CTXND1: variants seen among roughly 807,000 people sequenced by gnomAD.
CTXND1 encodes the protein cortexin domain containing 1.
At chr15:80,251,786 A>G (rs949579056) in intron 1 of CTXND1, among the ~76,000 whole-genome samples, 9 of 151,620 alleles carry the variant, frequency 5.9e-5, no homozygotes, top group Admixed American at 5.9e-4. Flanking sequence ...CTCCCCGCCG[A>G]CCGAGGCGCG....
intron 1 of CTXND1, among the ~76,000 whole-genome samples, chr15:80,236,317 C>T (rs925676767): frequency 5.3e-5 from 8 of 152,018 alleles, no homozygotes; most frequent in African/African-American, 1.7e-4. Context: ...GGGATTTCAG[C>T]GAATGTACAG....
At chr15:80,227,319 A>G (rs1194705257) in intron 1 of CTXND1, among the ~76,000 whole-genome samples, 2 of 152,222 alleles carry the variant, frequency 1.3e-5, no homozygotes, top group Admixed American at 6.5e-5. Flanking sequence ...CTAATATCAC[A>G]GTCTTCCACA....
Position 80,195,562 on chromosome 15 carries a change from AG to A in CTXND1, c.*6207del, listed in dbSNP as rs2041416104. 1 of 152,238 alleles carries A rather than the reference AG, an allele frequency of 6.6e-6. No homozygotes were observed. The highest frequency in any genetic ancestry group is 2.4e-5 in the African/African-American group (1 of 41,458). The allele number at this position is 152,238 out of a possible 1,614,324, so 9.4% of individuals were successfully genotyped here. ...AAGATCAAGGAACCAGCATCTGGTG[AG>A]GACCTTCTTGTTGCATCATAAACAT... On this transcript the variant is annotated 3_prime_UTR_variant, in exon 3 of 3. Transcript: ENST00000560778.
intron 1 of CTXND1, among the ~76,000 whole-genome samples, chr15:80,251,237 G>T (rs920181255): frequency 6.6e-6 from 1 of 152,176 alleles, no homozygotes; most frequent in Non-Finnish European, 1.5e-5. Flanking sequence ...AACTTTTGCT[G>T]CGGGCACGGA....
intron 1 of CTXND1, among the ~76,000 whole-genome samples, chr15:80,245,659 C>T (rs1298696697): frequency 1.3e-5 from 2 of 152,192 alleles, no homozygotes; most frequent in Non-Finnish European, 2.9e-5. Flanking sequence ...GACTCTACCT[C>T]TTTGTGGATT....
At chr15:80,206,997 G>A (rs1893153525) in intron 1 of CTXND1, among the ~76,000 whole-genome samples, 1 of 152,156 alleles carries the variant, frequency 6.6e-6, no homozygotes, top group Admixed American at 6.5e-5. Flanking sequence ...CCAAGGTCTT[G>A]TCTCCCTTGA....
chr15:80,215,563 G>T (rs2142127165), intron 1 of CTXND1, among the ~76,000 whole-genome samples: 1 of 152,234 alleles, frequency 6.6e-6, no homozygotes, highest in East Asian at 1.9e-4. Context: ...GTCCTTCAAG[G>T]TGTGGGAAGG....
chr15:80,210,963 C>T (rs755004637), intron 1 of CTXND1, among the ~76,000 whole-genome samples: 1 of 152,204 alleles, frequency 6.6e-6, no homozygotes, highest in Non-Finnish European at 1.5e-5. Context: ...CACCTTATGA[C>T]TCATGTAACC....
At chr15:80,222,382 A>C (rs1037925140) in intron 1 of CTXND1, among the ~76,000 whole-genome samples, 2 of 152,274 alleles carry the variant, frequency 1.3e-5, no homozygotes, top group African/African-American at 4.8e-5. Flanking sequence ...TCATTTTGCC[A>C]GTAAAATACT....
chr15:80,248,655 C>T (rs956646738), intron 1 of CTXND1, among the ~76,000 whole-genome samples: 2 of 152,176 alleles, frequency 1.3e-5, no homozygotes, highest in Non-Finnish European at 2.9e-5. Context: ...CATTAATTTG[C>T]AGTTTTCTAG....
intron 1 of CTXND1, among the ~76,000 whole-genome samples, chr15:80,208,191 A>C (rs1057326493): frequency 9.2e-5 from 14 of 152,246 alleles, no homozygotes; most frequent in Non-Finnish European, 1.9e-4. Flanking sequence ...TCAATAAGGA[A>C]TGGTTAAAAC....
At chr15:80,228,975 G>A (rs191702479) in intron 1 of CTXND1, among the ~76,000 whole-genome samples, 13 of 152,084 alleles carry the variant, frequency 8.5e-5, no homozygotes, top group African/African-American at 2.9e-4. Context: ...CAAAGAAAAG[G>A]CTCATTGGAA....
chr15:80,209,573 C>T (rs1360663138), intron 1 of CTXND1, among the ~76,000 whole-genome samples: 1 of 152,138 alleles, frequency 6.6e-6, no homozygotes, highest in Non-Finnish European at 1.5e-5. Flanking sequence ...CTTGTCAAAG[C>T]GTGAAGGTGT....
intron 1 of CTXND1, among the ~76,000 whole-genome samples, chr15:80,251,762 G>C (rs1183332521): frequency 6.6e-6 from 1 of 152,034 alleles, no homozygotes; most frequent in Non-Finnish European, 1.5e-5. Context: ...GTCCCCTGCC[G>C]CGCGGGTCCG....
intron 1 of CTXND1, among the ~76,000 whole-genome samples, chr15:80,208,936 T>G (rs1893177781): frequency 6.6e-6 from 1 of 152,232 alleles, no homozygotes; most frequent in Non-Finnish European, 1.5e-5. Flanking sequence ...AAGTTGAATG[T>G]GCGAGGGATT....
intron 1 of CTXND1, among the ~76,000 whole-genome samples, chr15:80,243,015 C>G (rs887008867): frequency 9.9e-5 from 15 of 152,220 alleles, no homozygotes; most frequent in Non-Finnish European, 2.9e-5. Context: ...AAGACTTGAT[C>G]TGTGACCACA....
At chr15:80,229,878 T>A (rs1893410213) in intron 1 of CTXND1, among the ~76,000 whole-genome samples, 1 of 152,148 alleles carries the variant, frequency 6.6e-6, no homozygotes, top group South Asian at 2.1e-4. Flanking sequence ...CAGAGAGAGA[T>A]CTATCCAGGT....
intron 1 of CTXND1, among the ~76,000 whole-genome samples, chr15:80,213,858 G>T (rs930425998): frequency 7.9e-5 from 12 of 152,084 alleles, no homozygotes; most frequent in Non-Finnish European, 4.4e-5. Context: ...AGACATTAAA[G>T]AATTGTATAT....
chr15:80,218,949 T>G (rs1210749525), intron 1 of CTXND1, among the ~76,000 whole-genome samples: 3 of 151,436 alleles, frequency 2.0e-5, no homozygotes, highest in Non-Finnish European at 2.9e-5. Context: ...TTTTTTTTTT[T>G]GAGACAGGGT....
Sources: allele counts gnomAD v4.1 joint callset (sites outside exome capture counted in the v4.1 genomes callset), GRCh38; gene constraint gnomAD v4.1.1; transcripts MANE v1.5; gene names NCBI Gene and HGNC (gene_info 2026-07-23, HGNC 2026-07-21).